ZZEF1: variants seen among roughly 807,000 people sequenced by gnomAD.
ZZEF1 encodes the protein zinc finger ZZ-type and EF-hand domain-containing protein 1.
A neutral mutation model predicts 342.8 loss-of-function variants in ZZEF1; 157 were observed. The ratio of observed to expected loss-of-function variants is 0.46; its 90% CI spans 0.40 to 0.52. The LOEUF is 0.52. Among genes scored for constraint, ZZEF1 ranks in the 20% least tolerant of loss-of-function variants. The pLI, the probability that ZZEF1 is intolerant of heterozygous loss-of-function variation, is 0.00. For synonymous variants in ZZEF1, 1,505 were observed against 1,429.1 expected (o/e 1.05, Z -1.20); for missense variants, 3,480 against 3,725.6 (o/e 0.93, Z 1.72).
Position 4,006,787 on chromosome 17 carries a change from G to T in ZZEF1, c.*103C>A. The stretch of plus-strand genomic sequence containing the variant: ...CTAACTGGAGTGGTCAGCTCAAGGA[G>T]AGCTGGGCACTGGCGCTACAGGAGT... On this transcript the variant is annotated 3_prime_UTR_variant, in exon 55 of 55. Transcript: ENST00000381638. The T allele has an allele frequency of 7.9e-7, 1 of 1,273,592 alleles. No homozygotes were observed. Among genetic ancestry groups the T allele is most frequent in the Non-Finnish European group, 1.1e-6 (1 of 895,690 alleles). The allele number at this position is 1,273,592 out of a possible 1,614,324, so 78.9% of individuals were successfully genotyped here.
intron 46 of ZZEF1, 111 bp from the exon 47 acceptor site, chr17:4,018,082 A>G (rs1173554499): frequency 7.2e-7 from 1 of 1,391,248 alleles, no homozygotes; most frequent in African/African-American, 1.4e-5. Flanking sequence ...GTTAGTATCA[A>G]TGACATTATC....
intron 1 of ZZEF1, among the ~76,000 whole-genome samples, chr17:4,132,844 T>C (rs543646308): frequency 2.6e-4 from 39 of 151,972 alleles, no homozygotes; most frequent in African/African-American, 9.4e-4. Flanking sequence ...CGGGCGCCTG[T>C]AGTCCCAGCT....
chr17:4,037,143 C>G (rs2056690725), intron 39 of ZZEF1, among the ~76,000 whole-genome samples: 1 of 152,074 alleles, frequency 6.6e-6, no homozygotes, highest in South Asian at 2.1e-4. Flanking sequence ...TGAACCCATA[C>G]TGATATAACT....
In ZZEF1 at chr17:4,076,706, C is replaced by T; in HGVS notation, c.3165G>A (p.Leu1055=). 3 of 1,613,358 alleles carry T rather than the reference C, an allele frequency of 1.9e-6. No individual in the cohort carries two copies. In the Middle Eastern group the frequency reaches 4.9e-4, roughly 266 times the overall value. Residue 1055 remains leucine, a synonymous_variant, in exon 21 of 55, where the codon TTG becomes TTA. Transcript: ENST00000381638. ...CTLDIPHCVL[L]REFSVLTELL... is the part of the protein sequence containing the mutation. ...GTTCTGTGAGGACGCTGAACTCTCT[C>T]AAGAGCACGCAGTGTGGGATGTCTA... is the stretch of plus-strand genomic sequence containing the variant.
At position 4,120,139 on chromosome 17, in the gene ZZEF1, C is replaced by T. The variant is rs532369605; in HGVS notation, c.500-2973G>A. On this transcript the variant is annotated intron_variant, in intron 2 of 54. Coordinates refer to ENST00000381638, the MANE Select transcript of ZZEF1 (RefSeq NM_015113.4). ...TTGGGAGGCCAAGGCGGGCAGATCA[C>T]GAGGTCAGGAGTTCCAAGAGCAGCC... Among the ~76,000 whole-genome samples the T allele has an allele frequency of 1.3e-3, 202 of 152,208 alleles. 1 individual carries two copies. Among genetic ancestry groups the T allele is most frequent in the African/African-American group, 4.5e-3 (188 of 41,528 alleles).
At chr17:4,047,949 TAAGAA>T (rs762324521) in intron 37 of ZZEF1, among the ~76,000 whole-genome samples, 34 of 151,272 alleles carry the variant, frequency 2.2e-4, no homozygotes, top group Non-Finnish European at 3.7e-4. Flanking sequence ...TCAAAAAAAA[TAAGAA>T]AAGTAATAGA....
At position 4,064,600 on chromosome 17, in the gene ZZEF1, G is replaced by C; in HGVS notation, c.4479C>G (p.Thr1493=). Residue 1493 remains threonine (T), a synonymous_variant, in exon 29 of 55, where the codon ACC becomes ACG. Coordinates refer to ENST00000381638, the MANE Select transcript of ZZEF1 (RefSeq NM_015113.4). ...ATGDQSPGLG[T]QPKLPSSSGL... ...CACTGCTGGATGGCAGCTTTGGCTG[G>C]GTGCCCAGGCCAGGACTCTGGTCTC... The C allele has an allele frequency of 6.2e-7, 1 of 1,614,144 alleles. No individual in the cohort carries two copies. The highest frequency in any genetic ancestry group is 8.5e-7 in the Non-Finnish European group (1 of 1,180,022).
At chr17:4,021,388 T>C in intron 44 of ZZEF1, 68 bp from the exon 45 acceptor site, 9 of 1,311,994 alleles carry the variant, frequency 6.9e-6, no homozygotes, top group Non-Finnish European at 9.2e-6. Flanking sequence ...AGTCCTTTAA[T>C]CATGAAAATA....
intron 25 of ZZEF1, among the ~76,000 whole-genome samples, chr17:4,072,065 A>G (rs1355933748): frequency 1.3e-5 from 2 of 152,136 alleles, no homozygotes; most frequent in African/African-American, 2.4e-5. Flanking sequence ...GCCAAATTTA[A>G]CAGAGGCAAG....
chr17:4,049,390 C>T (rs1471138673), intron 37 of ZZEF1, among the ~76,000 whole-genome samples: 1 of 152,028 alleles, frequency 6.6e-6, no homozygotes, highest in Admixed American at 6.5e-5. Flanking sequence ...CACATGCCTG[C>T]GGCCCCAGGT....
chr17:4,053,458 G>A (rs562590751), intron 34 of ZZEF1, among the ~76,000 whole-genome samples: 3 of 152,340 alleles, frequency 2.0e-5, no homozygotes, highest in African/African-American at 7.2e-5. Context: ...CTTCCCTGCA[G>A]CAATGCTGCT....
In ZZEF1 at chr17:4,017,673, G is replaced by T; in HGVS notation, c.7699C>A (p.Leu2567Met). ...AGTTCGCTCTCTGTGCTGGAGATCA[G>T]CTTCTGGGTCACAGGGTTCGATTCA... Reference protein sequence around the residue: ...TAESNPVTQKLISSTESELQQ... With the variant: ...TAESNPVTQKMISSTESELQQ... Residue 2567 changes from leucine to methionine, a missense_variant, in exon 48 of 55, where the codon CTG becomes ATG. Coordinates refer to ENST00000381638, the MANE Select transcript of ZZEF1 (RefSeq NM_015113.4). This position sits in a 1 kb window ranked among gnomAD's most constrained non-coding sequence, Gnocchi z 5.1. 6.2e-7 allele frequency: 1 copy of T among 1,613,942 alleles called. No individual in the cohort carries two copies. Among genetic ancestry groups the T allele is most frequent in the Non-Finnish European group, 8.5e-7 (1 of 1,180,040 alleles).
At position 4,066,725 on chromosome 17, in the gene ZZEF1, G is replaced by A. The variant is rs893969773; in HGVS notation, c.4156-185C>T. 5.3e-5 allele frequency among the ~76,000 whole-genome samples: 8 copies of A among 152,234 alleles called. No homozygotes were observed. In the Middle Eastern group the frequency reaches 0.01, roughly 194 times the overall value. ...AATTTCTAGAACACTGGTGCTGCAG[G>A]GGGCTTTCTCTAAAGCCTATCTAGT... is the stretch of plus-strand genomic sequence containing the variant. On this transcript the variant is annotated intron_variant, in intron 27 of 54. Transcript: ENST00000381638.
intron 38 of ZZEF1, among the ~76,000 whole-genome samples, chr17:4,043,442 A>G (rs1454313395): frequency 6.6e-6 from 1 of 152,200 alleles, no homozygotes; most frequent in Non-Finnish European, 1.5e-5. Flanking sequence ...AGAGGGCAGA[A>G]GGCCAGGTGC....
intron 1 of ZZEF1, among the ~76,000 whole-genome samples, chr17:4,126,601 G>A (rs2058577255): frequency 6.6e-6 from 1 of 152,192 alleles, no homozygotes; most frequent in Admixed American, 6.5e-5. Context: ...AAAAGACTTA[G>A]GGGCTGGTAA....
At position 4,082,458 on chromosome 17, in the gene ZZEF1, C is replaced by T. The variant is rs376884018; in HGVS notation, c.2693G>A (p.Arg898His). ...EHKQSLQLTF[R>H]SLCTYFSDKD... ...TTACCTAAAATACGTGCACAGTGAA[C>T]GGAAAGTGAGCTGCAGGGACTGCTT... is the stretch of plus-strand genomic sequence containing the variant. The change falls in exon 17 of 55, where the codon CGT (arginine) becomes CAT (histidine). Residue 898 changes from arginine to histidine, a missense_variant. Physicochemically the swap from Arg to His is conservative, Grantham distance 29. Coordinates refer to ENST00000381638, the MANE Select transcript of ZZEF1 (RefSeq NM_015113.4). 9.2e-5 allele frequency: 148 copies of T among 1,613,940 alleles called. No individual in the cohort carries two copies. Among genetic ancestry groups the T allele is most frequent in the Admixed American group, 2.5e-4 (15 of 59,994 alleles).
Position 4,051,052 on chromosome 17 carries a change from G to C in ZZEF1, c.5601-9C>G, listed in dbSNP as rs560070891. ...TGTGGGTAGGCAAATGGCTGCAAAG[G>C]CAAGACACATTTAAAGCTTACAACC... On this transcript the variant is annotated splice_polypyrimidine_tract_variant and intron_variant, in intron 35 of 54. Transcript: ENST00000381638. The C allele has an allele frequency of 1.2e-6, 2 of 1,614,054 alleles. No individual in the cohort carries two copies. The highest frequency in any genetic ancestry group is 3.3e-5 in the Admixed American group (2 of 60,024).
intron 38 of ZZEF1, 92 bp from the exon 39 acceptor site, chr17:4,042,660 G>A (rs933554875): frequency 1.5e-5 from 19 of 1,284,744 alleles, no homozygotes; most frequent in African/African-American, 1.2e-4. Flanking sequence ...GTGCTGCTAC[G>A]GAATAAAGCT....
At chr17:4,038,868 C>T (rs898613272) in intron 39 of ZZEF1, among the ~76,000 whole-genome samples, 1 of 152,006 alleles carries the variant, frequency 6.6e-6, no homozygotes, top group Non-Finnish European at 1.5e-5. Context: ...AAGAGGAATG[C>T]AGCGACTTAC....
Sources: allele counts gnomAD v4.1 joint callset (sites outside exome capture counted in the v4.1 genomes callset), GRCh38; gene constraint gnomAD v4.1.1; non-coding constraint Gnocchi (gnomAD v3.1); transcripts MANE v1.5; gene names NCBI Gene and HGNC (gene_info 2026-07-23, HGNC 2026-07-21).